HORMAD2: variants seen among roughly 807,000 people sequenced by gnomAD.
The protein encoded by HORMAD2 is HORMA domain containing 2, also known as HORMA domain-containing protein 2.
In HORMAD2, 45 loss-of-function variants were observed where a neutral mutation model predicts 38.8. That is an observed-to-expected ratio of 1.16 (90% CI 0.91 to 1.49). HORMAD2 has a LOEUF of 1.49. Among genes scored for constraint, HORMAD2 ranks in the 40% most tolerant of loss-of-function variants. HORMAD2 has a pLI of 0.00. For synonymous variants in HORMAD2, 126 were observed against 122.8 expected, an observed-to-expected ratio of 1.03 and a Z score of -0.17; for missense variants, 338 against 367.0, an observed-to-expected ratio of 0.92 and a Z score of 0.65.
chr22:30,139,666 G>T (rs953403639), intron 10 of HORMAD2, among the ~76,000 whole-genome samples: 2 of 151,854 alleles, frequency 1.3e-5, no homozygotes, highest in African/African-American at 4.8e-5. Context: ...TCCTTGTCTT[G>T]TTCCTAATCT....
At chr22:30,179,618 C>T (rs1390247452), downstream of HORMAD2, among the ~76,000 whole-genome samples, 2 of 152,192 alleles carry the variant, frequency 1.3e-5, no homozygotes, top group Non-Finnish European at 2.9e-5. Context: ...CACAATATCT[C>T]TGCAATTAGA....
chr22:30,099,040 C>G (rs745815718), intron 3 of HORMAD2, 47 bp downstream of exon 3: 1 of 1,533,282 alleles, frequency 6.5e-7, no homozygotes. Flanking sequence ...GCCCCTTTCT[C>G]TATTTAGCAG....
At chr22:30,103,654 T>TA (rs1920987092) in intron 4 of HORMAD2, among the ~76,000 whole-genome samples, 154 bp downstream of exon 4, 2 of 99,046 alleles carry the variant, frequency 2.0e-5, no homozygotes, top group African/African-American at 9.3e-5. Flanking sequence ...TTTTGATTTT[T>TA]TTTTTTTTTT....
intron 10 of HORMAD2, among the ~76,000 whole-genome samples, chr22:30,145,939 G>A (rs1031079985): frequency 6.6e-6 from 1 of 152,100 alleles, no homozygotes. Context: ...ACAAAACTAT[G>A]GACCACAATA....
chr22:30,166,473 G>A (rs1441018355), intron 10 of HORMAD2, among the ~76,000 whole-genome samples: 1 of 152,138 alleles, frequency 6.6e-6, no homozygotes, highest in Non-Finnish European at 1.5e-5. Flanking sequence ...AATGTAAATG[G>A]CCACATGTAG....
At chr22:30,144,635 G>C (rs80050762) in intron 10 of HORMAD2, among the ~76,000 whole-genome samples, 1,551 of 151,998 alleles carry the variant, frequency 0.01, 24 homozygotes, top group African/African-American at 0.036. Context: ...AGTGGAGGGG[G>C]GACAGTAGAC....
the HORMAD2 span, among the ~76,000 whole-genome samples, chr22:30,202,527 T>C: frequency 1.3e-5 from 2 of 151,648 alleles, no homozygotes; most frequent in Non-Finnish European, 2.9e-5. Flanking sequence ...ACACCATCAC[T>C]CATGTCCAAC....
rs372353166 is a variant in HORMAD2 at position 30,103,409 on chromosome 22, A to G, written c.194-28A>G. 1.7e-4 allele frequency: 243 copies of G among 1,389,122 alleles called. No homozygotes were observed. The African/African-American group carries it at 3.1e-3, about 18-fold the overall frequency. The allele number at this position is 1,389,122 out of a possible 1,614,324, so 86.0% of individuals were successfully genotyped here. A position where few individuals can be genotyped will look rare whatever the true frequency, so the allele number is the denominator to read the frequency against. ...CAGTACAGCAGTCATTTAGTAGATA[A>G]AAATAGACTGTGTTTCTGTTTTTGT... On this transcript the variant is annotated intron_variant, in intron 3 of 10. Transcript: ENST00000336726.
chr22:30,081,751 A>AT (rs1189210688), intron 1 of HORMAD2, among the ~76,000 whole-genome samples: 15 of 149,960 alleles, frequency 1.0e-4, no homozygotes, highest in South Asian at 4.3e-4. Flanking sequence ...AAATTTTTTT[A>AT]TTTTTTTTTA....
the HORMAD2 span, among the ~76,000 whole-genome samples, chr22:30,183,469 AATAC>A: frequency 6.6e-6 from 1 of 152,134 alleles, no homozygotes; most frequent in Non-Finnish European, 1.5e-5. Context: ...AGTTAATCAC[AATAC>A]CAGTCAACAT....
intron 1 of HORMAD2, among the ~76,000 whole-genome samples, chr22:30,088,256 C>T (rs1409905865): frequency 1.6e-4 from 24 of 150,030 alleles, no homozygotes. Flanking sequence ...CATATACACA[C>T]ATATATACAT....
the HORMAD2 span, among the ~76,000 whole-genome samples, chr22:30,202,845 C>T: frequency 6.6e-6 from 1 of 152,192 alleles, no homozygotes; most frequent in Non-Finnish European, 1.5e-5. Context: ...GAGGCCTCCA[C>T]TCTCAGCGGC....
At chr22:30,197,693 A>G in the HORMAD2 span, among the ~76,000 whole-genome samples, 2 of 152,194 alleles carry the variant, frequency 1.3e-5, no homozygotes, top group African/African-American at 2.4e-5. Context: ...CAACTCAGTA[A>G]GATGAGGAAG....
chr22:30,142,793 T>G (rs994403374), intron 10 of HORMAD2, among the ~76,000 whole-genome samples: 3 of 152,322 alleles, frequency 2.0e-5, no homozygotes, highest in Admixed American at 2.0e-4. Context: ...ACTGAGTGAA[T>G]GAAGCATTTT....
chr22:30,109,763 T>C (rs75457795), intron 5 of HORMAD2, among the ~76,000 whole-genome samples: 2,996 of 152,350 alleles, frequency 0.02, 98 homozygotes, highest in African/African-American at 0.068. Flanking sequence ...TATAGACATA[T>C]AAGATGTTTT....
chr22:30,163,105 C>T (rs920323679), intron 10 of HORMAD2, among the ~76,000 whole-genome samples: 5 of 152,148 alleles, frequency 3.3e-5, no homozygotes, highest in African/African-American at 1.2e-4. Flanking sequence ...TATTAGTATA[C>T]TTAAATGAAC....
intron 10 of HORMAD2, among the ~76,000 whole-genome samples, chr22:30,151,234 G>A (rs1252768634): frequency 2.6e-5 from 4 of 152,006 alleles, no homozygotes; most frequent in African/African-American, 9.7e-5. Context: ...CTGTTTGTTT[G>A]TTTGTTTGCA....
At chr22:30,155,672 A>G (rs1444945745) in intron 10 of HORMAD2, among the ~76,000 whole-genome samples, 1 of 152,046 alleles carries the variant, frequency 6.6e-6, no homozygotes, top group Non-Finnish European at 1.5e-5. Context: ...ACACACACAC[A>G]CATCTATATT....
the HORMAD2 span, among the ~76,000 whole-genome samples, chr22:30,186,918 G>T: frequency 1.4e-5 from 2 of 144,900 alleles, no homozygotes; most frequent in Admixed American, 6.8e-5. Context: ...GGGTGGGGGG[G>T]TCATCGTATA....
Sources: gnomAD v4.1 joint callset for allele counts (sites outside exome capture counted in the v4.1 genomes callset) on GRCh38, gnomAD v4.1.1 for gene constraint, MANE v1.5 for transcripts, NCBI Gene and HGNC (gene_info 2026-07-23, HGNC 2026-07-21) for gene names.